The following RAD54L2 variants were observed in gnomAD, a reference collection of about 807,000 sequenced individuals.
The protein encoded by RAD54L2 is helicase ARIP4.
RAD54L2 carries 27 observed loss-of-function variants against 138.4 expected under a neutral mutation model. The observed-to-expected ratio is 0.20, with a 90% CI of 0.14 to 0.27. The LOEUF is 0.27. Among genes scored for constraint, RAD54L2 ranks in the 10% least tolerant of loss-of-function variants. The pLI, the probability that RAD54L2 is intolerant of heterozygous loss-of-function variation, is 1.00. For synonymous variants in RAD54L2, 644 were observed against 723.2 expected, an observed-to-expected ratio of 0.89 and a Z score of 1.76; for missense variants, 1,396 against 1,890.2, an observed-to-expected ratio of 0.74 and a Z score of 4.85.
intron 1 of RAD54L2, among the ~76,000 whole-genome samples, chr3:51,540,625 C>T (rs782164856): frequency 7.9e-5 from 12 of 152,118 alleles, no homozygotes; most frequent in Admixed American, 7.2e-4. Flanking sequence ...GAAATATAGC[C>T]TAACTGGAGT....
At chr3:51,560,634 G>A (rs756431839) in intron 2 of RAD54L2, among the ~76,000 whole-genome samples, 1 of 152,068 alleles carries the variant, frequency 6.6e-6, no homozygotes, top group Non-Finnish European at 1.5e-5. Context: ...TGGGATTACA[G>A]GTGTGAGCCA....
intron 2 of RAD54L2, among the ~76,000 whole-genome samples, chr3:51,551,027 A>G (rs1417236853): frequency 6.6e-6 from 1 of 152,144 alleles, no homozygotes; most frequent in Admixed American, 6.5e-5. Flanking sequence ...AGCCTAGGTG[A>G]TAGTCATACT....
intron 3 of RAD54L2, among the ~76,000 whole-genome samples, chr3:51,618,189 G>A (rs1482590218): frequency 6.6e-6 from 1 of 150,674 alleles, no homozygotes; most frequent in Non-Finnish European, 1.5e-5. Context: ...TTAGTAGCCA[G>A]GATGGTCTCG....
At chr3:51,615,165 G>A (rs974510140) in intron 3 of RAD54L2, among the ~76,000 whole-genome samples, 7 of 151,910 alleles carry the variant, frequency 4.6e-5, no homozygotes, top group South Asian at 2.1e-4. Context: ...AGGCACCCAC[G>A]ACCATGCCTG....
intron 2 of RAD54L2, among the ~76,000 whole-genome samples, chr3:51,579,289 A>G (rs758660421): frequency 9.9e-5 from 15 of 151,454 alleles, no homozygotes; most frequent in Non-Finnish European, 1.9e-4. Context: ...GATGGGGGGC[A>G]GGGCGGGCCA....
chr3:51,608,983 C>G (rs1404436418), intron 3 of RAD54L2, among the ~76,000 whole-genome samples: 1 of 152,110 alleles, frequency 6.6e-6, no homozygotes, highest in Non-Finnish European at 1.5e-5. Flanking sequence ...CTCCCCCTCC[C>G]AGGTTCAGGA....
Position 51,638,383 on chromosome 3 carries a change from G to T in RAD54L2, c.1860+62G>T. The T allele has an allele frequency of 6.3e-7, 1 of 1,581,374 alleles. No individual in the cohort carries two copies. The highest frequency in any genetic ancestry group is 8.7e-7 in the Non-Finnish European group (1 of 1,155,362). On this transcript the variant is annotated intron_variant, in intron 12 of 22. Coordinates refer to ENST00000684192, the MANE Select transcript of RAD54L2 (RefSeq NM_015106.4). This position sits in a 1 kb window ranked among gnomAD's most constrained non-coding sequence, Gnocchi z 4.3. ...TAAGGATACACATGGTCCCAAGGGA[G>T]TTACTCCTACTGAGAGTCTTCAATA...
chr3:51,622,237 T>G (rs566376065), intron 3 of RAD54L2, among the ~76,000 whole-genome samples: 1 of 152,308 alleles, frequency 6.6e-6, no homozygotes, highest in South Asian at 2.1e-4. Context: ...CATGTCTGGC[T>G]GGGCACATAA....
Position 51,637,135 on chromosome 3 carries a change from G to C in RAD54L2, c.1340-26G>C. 1 of 1,551,306 alleles carries C rather than the reference G, an allele frequency of 6.4e-7. No individual in the cohort carries two copies. The highest frequency in any genetic ancestry group is 1.2e-5 in the South Asian group (1 of 84,266). ...CTAAGAGCAGGCCCTGTCACCCTCTGACTCCGGATCCTCTTCCCTCCCTAG... is the reference window on the plus strand; with the variant it reads ...CTAAGAGCAGGCCCTGTCACCCTCTCACTCCGGATCCTCTTCCCTCCCTAG... On this transcript the variant is annotated intron_variant, in intron 10 of 22. Transcript: ENST00000684192. This position sits in a 1 kb window ranked among gnomAD's most constrained non-coding sequence, Gnocchi z 5.9.
At chr3:51,633,149 G>A (rs1162470993) in intron 7 of RAD54L2, among the ~76,000 whole-genome samples, 3 of 152,050 alleles carry the variant, frequency 2.0e-5, no homozygotes, top group African/African-American at 4.8e-5. Flanking sequence ...GAACCCGGGA[G>A]GCAGAGGTTG....
intron 4 of RAD54L2, 64 bp from the exon 5 acceptor site, chr3:51,629,270 G>T (rs1700775223): frequency 6.7e-7 from 1 of 1,500,318 alleles, no homozygotes; most frequent in Non-Finnish European, 9.0e-7. Context: ...TCTCTCTTTA[G>T]CTTGCCATTA....
At chr3:51,650,251 A>G (rs1439090687) in intron 19 of RAD54L2, among the ~76,000 whole-genome samples, 1 of 152,234 alleles carries the variant, frequency 6.6e-6, no homozygotes, top group Non-Finnish European at 1.5e-5. Flanking sequence ...CTAAATATAT[A>G]TGCACCCAAT....
intron 3 of RAD54L2, among the ~76,000 whole-genome samples, chr3:51,608,350 G>A (rs978645064): frequency 1.3e-4 from 20 of 151,620 alleles, no homozygotes; most frequent in Admixed American, 3.9e-4. Context: ...AGACTGCGCC[G>A]CTGGGCAGAG....
At chr3:51,657,916 CTTTTTTTTTTTTT>C (rs71084155) in intron 21 of RAD54L2, among the ~76,000 whole-genome samples, 1,164 of 87,452 alleles carry the variant, frequency 0.013, 37 homozygotes, top group African/African-American at 0.046. Flanking sequence ...ATCTTGCTGT[CTTTTTTTTTTTTT>C]TTTTTTTTTT....
rs2106863872 is a variant in RAD54L2, at chr3:51,663,544, A to G, written c.*124A>G. ...GGAGGGAAAAGGAAGAGGACAAAGGAGGGTGGTTGGCCAAAGTGGCAGAGC... is the reference window on the plus strand; with the variant it reads ...GGAGGGAAAAGGAAGAGGACAAAGGGGGGTGGTTGGCCAAAGTGGCAGAGC... On this transcript the variant is annotated 3_prime_UTR_variant, in exon 23 of 23. Transcript: ENST00000684192. 1.2e-6 allele frequency: 1 copy of G among 814,904 alleles called. No individual in the cohort carries two copies. The highest frequency in any genetic ancestry group is 1.6e-6 in the Non-Finnish European group (1 of 620,850). The allele number at this position is 814,904 out of a possible 1,614,324, so 50.5% of individuals were successfully genotyped here.
chr3:51,577,229 T>C (rs1019708399), intron 2 of RAD54L2, among the ~76,000 whole-genome samples: 4 of 152,214 alleles, frequency 2.6e-5, no homozygotes, highest in African/African-American at 7.2e-5. Flanking sequence ...ATAATTTCTG[T>C]TCGTTTACAT....
intron 3 of RAD54L2, among the ~76,000 whole-genome samples, chr3:51,623,011 A>G (rs1354367120): frequency 6.6e-6 from 1 of 152,208 alleles, no homozygotes; most frequent in Non-Finnish European, 1.5e-5. Flanking sequence ...GGCACTTTCC[A>G]TATAGCATAT....
At chr3:51,587,907 T>C (rs1480406519) in intron 2 of RAD54L2, among the ~76,000 whole-genome samples, 1 of 152,104 alleles carries the variant, frequency 6.6e-6, no homozygotes, top group Non-Finnish European at 1.5e-5. Flanking sequence ...CAGCAGTTTG[T>C]CTTGTAAAAG....
chr3:51,633,502 T>C, intron 7 of RAD54L2, 75 bp from the exon 8 acceptor site: 1 of 1,402,414 alleles, frequency 7.1e-7, no homozygotes, highest in Non-Finnish European at 9.9e-7. Context: ...TAATTCTTAC[T>C]AATTACAAAG....
Sources: gnomAD v4.1 joint callset for allele counts (sites outside exome capture counted in the v4.1 genomes callset) on GRCh38, gnomAD v4.1.1 for gene constraint, Gnocchi (gnomAD v3.1) non-coding constraint, MANE v1.5 for transcripts, NCBI Gene and HGNC (gene_info 2026-07-23, HGNC 2026-07-21) for gene names.